The following DNPEP variants were observed in gnomAD, a reference collection of about 807,000 sequenced individuals.
The protein encoded by DNPEP is aspartyl aminopeptidase.
DNPEP carries 46 observed loss-of-function variants against 59.1 expected under a neutral mutation model. The ratio of observed to expected loss-of-function variants is 0.78; its 90% CI spans 0.61 to 0.99. The LOEUF (loss-of-function observed/expected upper bound fraction) is 0.99. Among genes scored for constraint, DNPEP ranks in the 50% least tolerant of loss-of-function variants. The pLI is 0.00. For synonymous variants in DNPEP, 229 were observed against 242.2 expected (o/e 0.95, Z 0.50); for missense variants, 617 against 649.9 (o/e 0.95, Z 0.55).
At chr2:219,384,599 G>A (rs186640862) in intron 8 of DNPEP, 156 bp from the exon 9 acceptor site, 110 of 553,060 alleles carry the variant, frequency 2.0e-4, no homozygotes, top group African/African-American at 1.6e-3. Context: ...ATGAAGGTTC[G>A]CTCTTGTCGC....
At chr2:219,376,667 A>C (rs1480515281) in intron 13 of DNPEP, among the ~76,000 whole-genome samples, 9 of 152,212 alleles carry the variant, frequency 5.9e-5, no homozygotes, top group Admixed American at 3.9e-4. Flanking sequence ...GGAGGGAAGA[A>C]GTTCCACTTC....
At chr2:219,386,839 C>T in intron 3 of DNPEP, 53 bp downstream of exon 3, 9 of 1,610,902 alleles carry the variant, frequency 5.6e-6, no homozygotes, top group Non-Finnish European at 7.6e-6. Context: ...GCACACAGGG[C>T]TTGGAGACCA....
rs1476098715 is a variant in DNPEP at position 219,399,444 on chromosome 2, A to C, written c.-158+496T>G. On this transcript the variant is annotated intron_variant, in intron 1 of 6. Transcript: ENST00000434339. ...GCAGATTCATGAGCCCCATACCTGA[A>C]ACTCCTGATTTGGAAGATTTGGGCT... The C allele has an allele frequency of 2.2e-5, 10 of 459,754 alleles. No homozygotes were observed. In the East Asian group the frequency reaches 6.9e-4, roughly 32 times the overall value. 28.5% of individuals were successfully genotyped at this position (459,754 alleles called of 1,614,324 possible).
At chr2:219,378,821 A>G (rs1050802828) in intron 13 of DNPEP, among the ~76,000 whole-genome samples, 41 of 152,356 alleles carry the variant, frequency 2.7e-4, no homozygotes, top group African/African-American at 9.4e-4. Flanking sequence ...CCAGTCGTAT[A>G]AAAGCATAAC....
intron 1 of DNPEP, among the ~76,000 whole-genome samples, chr2:219,397,858 G>A (rs1954124619): frequency 6.6e-6 from 1 of 151,786 alleles, no homozygotes; most frequent in African/African-American, 2.4e-5. Flanking sequence ...CCAAAGTGCT[G>A]GGATTACAGG....
intron 1 of DNPEP, chr2:219,387,516 C>T: frequency 2.1e-6 from 3 of 1,440,930 alleles, no homozygotes; most frequent in Non-Finnish European, 2.7e-6. Context: ...GTGCGCGTAC[C>T]CAGCCCGGAG....
At chr2:219,386,521 T>A in intron 4 of DNPEP, 110 bp from the exon 5 acceptor site, 1 of 1,530,176 alleles carries the variant, frequency 6.5e-7, no homozygotes, top group South Asian at 1.2e-5. Context: ...CATGAAAGGC[T>A]CAAGGTGTGA....
chr2:219,386,872 C>A lies in DNPEP; in HGVS notation c.219+20G>T, dbSNP rs771951620. The A allele has an allele frequency of 1.3e-6, 2 of 1,599,854 alleles. No individual in the cohort carries two copies. Among genetic ancestry groups the A allele is most frequent in the Non-Finnish European group, 1.7e-6 (2 of 1,167,140 alleles). On this transcript the variant is annotated intron_variant, in intron 3 of 14. Coordinates refer to ENST00000273075, the MANE Select transcript of DNPEP (RefSeq NM_012100.4). Reference sequence around the variant, plus strand: ...CCAGCCTAGGGACCTGCCTTTCCACCCCCACCCCACCCCCAGTACCTTGCT... The same window carrying A: ...CCAGCCTAGGGACCTGCCTTTCCACACCCACCCCACCCCCAGTACCTTGCT...
At position 219,374,279 on chromosome 2, in the gene DNPEP, T is replaced by C. The variant is rs997968906; in HGVS notation, c.*13A>G. Reference sequence around the variant, plus strand: ...GGTGCAAAGGGATGGCAGAGAAGTCTTTCCAAGAGGGCTCAATCCACTAAG... The same window carrying C: ...GGTGCAAAGGGATGGCAGAGAAGTCCTTCCAAGAGGGCTCAATCCACTAAG... On this transcript the variant is annotated 3_prime_UTR_variant, in exon 15 of 15. Transcript: ENST00000273075. 1.2e-6 allele frequency: 2 copies of C among 1,613,248 alleles called. No homozygotes were observed. The highest frequency in any genetic ancestry group is 2.7e-5 in the African/African-American group (2 of 74,992).
At chr2:219,395,407 GCCTTGATCC>G (rs1954080910) in intron 1 of DNPEP, among the ~76,000 whole-genome samples, 1 of 152,108 alleles carries the variant, frequency 6.6e-6, no homozygotes, top group Admixed American at 6.5e-5. Flanking sequence ...AAAACAAAGC[GCCTTGATCC>G]CCTGTATGGC....
chr2:219,378,012 A>G (rs1953442155), intron 13 of DNPEP, among the ~76,000 whole-genome samples: 1 of 152,172 alleles, frequency 6.6e-6, no homozygotes, highest in African/African-American at 2.4e-5. Context: ...AATATATCCA[A>G]TATAATATCA....
chr2:219,387,995 C>A, upstream of DNPEP: 1 of 1,231,910 alleles, frequency 8.1e-7, no homozygotes, highest in East Asian at 3.4e-5. Flanking sequence ...CCACCTCGGT[C>A]AGCCCCGCCC....
At chr2:219,376,615 T>C (rs796707759) in intron 13 of DNPEP, among the ~76,000 whole-genome samples, 2 of 152,118 alleles carry the variant, frequency 1.3e-5, no homozygotes, top group Admixed American at 6.5e-5. Flanking sequence ...TTCCAATCAA[T>C]AGGAATGATA....
Position 219,386,328 on chromosome 2 carries a change from C to T in DNPEP, c.417G>A (p.Trp139Ter). 6.2e-7 allele frequency: 1 copy of T among 1,614,204 alleles called. No homozygotes were observed. Among genetic ancestry groups the T allele is most frequent in the Non-Finnish European group, 8.5e-7 (1 of 1,180,030 alleles). ...CAGCCAGAGTCAGGTCACGGTCAAA[C>T]CAGGTGCTCCAGATCCCACCACCAT... ...ETYGGGIWST[W>*]FDRDLTLAGR... Residue 139 changes from tryptophan (W) to a stop codon, truncating the protein, a stop_gained, in exon 5 of 15, where the codon TGG becomes TGA. Transcript: ENST00000273075. LOFTEE classifies it high-confidence loss of function.
chr2:219,372,163 G>C lies in DNPEP; in HGVS notation c.*2129C>G, dbSNP rs1315987144. ...AAAATACTGTACGCCAATTGTAAGA[G>C]TAAATACAGTGTGAGGGTAAAATTT... On this transcript the variant is annotated 3_prime_UTR_variant, in exon 15 of 15. Transcript: ENST00000273075. 1.3e-5 allele frequency among the ~76,000 whole-genome samples: 2 copies of C among 152,074 alleles called. No individual in the cohort carries two copies. The highest frequency in any genetic ancestry group is 4.8e-5 in the African/African-American group (2 of 41,400).
At chr2:219,396,625 C>G (rs1382532984) in intron 1 of DNPEP, among the ~76,000 whole-genome samples, 3 of 152,070 alleles carry the variant, frequency 2.0e-5, no homozygotes, top group African/African-American at 7.2e-5. Flanking sequence ...ATAATCTTTT[C>G]AGTATAAGTA....
chr2:219,387,349 C>A (rs1953892490), intron 1 of DNPEP, 186 bp from the exon 2 acceptor site: 1 of 1,444,578 alleles, frequency 6.9e-7, no homozygotes, highest in Non-Finnish European at 9.1e-7. Flanking sequence ...TTCAGCCCGC[C>A]GGCCCAGGAT....
chr2:219,395,278 A>G (rs1954078845), intron 1 of DNPEP, among the ~76,000 whole-genome samples: 1 of 152,140 alleles, frequency 6.6e-6, no homozygotes, highest in African/African-American at 2.4e-5. Flanking sequence ...GAACTTACAT[A>G]CAAGATGGTC....
chr2:219,383,033 G>A, intron 10 of DNPEP, 98 bp downstream of exon 10: 1 of 1,107,914 alleles, frequency 9.0e-7, no homozygotes, highest in Non-Finnish European at 1.3e-6. Flanking sequence ...CTGTCTTGGG[G>A]CCCCCAGAAG....
Sources: allele counts gnomAD v4.1 joint callset (sites outside exome capture counted in the v4.1 genomes callset), GRCh38; gene constraint gnomAD v4.1.1; transcripts MANE v1.5; gene names NCBI Gene and HGNC (gene_info 2026-07-23, HGNC 2026-07-21).